The following DDX59 variants were observed in gnomAD, a reference collection of about 807,000 sequenced individuals.
The protein encoded by DDX59 is DEAD-box helicase 59, also known as probable ATP-dependent RNA helicase DDX59.
Under a neutral mutation model 51.9 loss-of-function variants are expected in DDX59, and 30 were observed. That is an observed-to-expected ratio of 0.58 (90% CI 0.43 to 0.78). The LOEUF is 0.78. DDX59 is among the 30% of genes least tolerant of loss of function. The pLI, the probability that DDX59 is intolerant of heterozygous loss-of-function variation, is 0.00. For synonymous variants in DDX59, 255 were observed against 253.3 expected (o/e 1.01, Z -0.06); for missense variants, 672 against 730.8 (o/e 0.92, Z 0.93).
Position 200,669,788 on chromosome 1 carries a change from TCCGCTC to T in DDX59, c.-39_-34del, listed in dbSNP as rs542558507. 15 of 152,712 alleles carry T rather than the reference TCCGCTC, an allele frequency of 9.8e-5. No homozygotes were observed. Among genetic ancestry groups the T allele is most frequent in the South Asian group, 2.1e-4 (1 of 4,836 alleles). The allele number at this position is 152,712 out of a possible 1,614,324, so 9.5% of individuals were successfully genotyped here. A position where few individuals can be genotyped will look rare whatever the true frequency, so the allele number is the denominator to read the frequency against. On this transcript the variant is annotated 5_prime_UTR_variant, in exon 1 of 8. Transcript: ENST00000331314. Reference sequence around the variant, plus strand: ...TCACCCGCGCAGGACTGAGGCCGCGTCCGCTCCCGCTCCCGCTCGGGCCGTCTCCCC... The same window carrying T: ...TCACCCGCGCAGGACTGAGGCCGCGTCCGCTCCCGCTCGGGCCGTCTCCCC...
rs978512853 is a variant in DDX59, at chr1:200,657,179, T to C, written c.1062+1848A>G. Among the ~76,000 whole-genome samples, 5 of 141,162 alleles carry C rather than the reference T, an allele frequency of 3.5e-5. No homozygotes were observed. In the Admixed American group the frequency reaches 3.8e-4, roughly 11 times the overall value. The allele number at this position is 141,162 out of a possible 152,430, so 92.6% of individuals were successfully genotyped here. ...GCACAAAAATCACTTTGAGCCCAGATGGTAGAGGTGGCAGTGAGCCAAGAT... is the reference window on the plus strand; with the variant it reads ...GCACAAAAATCACTTTGAGCCCAGACGGTAGAGGTGGCAGTGAGCCAAGAT... On this transcript the variant is annotated intron_variant, in intron 4 of 7. Transcript: ENST00000331314.
At chr1:200,663,849 G>A (rs1011187640) in intron 3 of DDX59, 70 bp downstream of exon 3, 1 of 1,367,694 alleles carries the variant, frequency 7.3e-7, no homozygotes. Flanking sequence ...TTCTTCAAGG[G>A]GAAAAAAAAC....
rs149394055 is a variant in DDX59 at position 200,647,793 on chromosome 1, G to A, written c.1596+646C>T. Among the ~76,000 whole-genome samples, 1,153 of 151,286 alleles carry A rather than the reference G, an allele frequency of 7.6e-3. 67 individuals carry two copies. In the East Asian group the frequency reaches 0.14, roughly 19 times the overall value. ...TTGAGACCAGCCTAGCCAACATGGT[G>A]AAACCCCGTCTCTACTAAAAATACA... On this transcript the variant is annotated intron_variant, in intron 7 of 7. Coordinates refer to ENST00000331314, the MANE Select transcript of DDX59 (RefSeq NM_001031725.6).
chr1:200,646,431 C>T (rs1427023087), intron 7 of DDX59, among the ~76,000 whole-genome samples: 1 of 151,810 alleles, frequency 6.6e-6, no homozygotes, highest in African/African-American at 2.4e-5. Flanking sequence ...AAATAAAAAC[C>T]CAATTTAAAA....
rs371248020 is a variant in DDX59 at position 200,648,510 on chromosome 1, G to C, written c.1525C>G (p.Leu509Val). Reference protein sequence around the residue: ...VVSTGVLGRGLDLISVRLVVN... With the variant: ...VVSTGVLGRGVDLISVRLVVN... ...ACCAGCCTGACACTGATCAAGTCTA[G>C]GCCTCGTCCCAAGACTCCTGTGCTC... The change falls in exon 7 of 8, where the codon CTA (leucine) becomes GTA (valine). Residue 509 changes from leucine to valine, a missense_variant. Leu to Val is a conservative substitution (Grantham distance 32, BLOSUM62 1). Coordinates refer to ENST00000331314, the MANE Select transcript of DDX59 (RefSeq NM_001031725.6). The C allele has an allele frequency of 1.2e-6, 2 of 1,613,978 alleles. No individual in the cohort carries two copies. Among genetic ancestry groups the C allele is most frequent in the African/African-American group, 1.3e-5 (1 of 74,904 alleles).
rs577173099 is a variant in DDX59 at position 200,649,634 on chromosome 1, A to AC, written c.1315-409_1315-408insG. 1.9e-3 allele frequency among the ~76,000 whole-genome samples: 285 copies of AC among 151,098 alleles called. 1 individual carries two copies. The highest frequency in any genetic ancestry group is 3.4e-3 in the Middle Eastern group (1 of 292). ...ACAGAGTGAGATTCCGTCACAAAAA[A>AC]AAAAAAAAACACAAAACACAAAATG... On this transcript the variant is annotated intron_variant, in intron 5 of 7. Transcript: ENST00000331314.
intron 3 of DDX59, among the ~76,000 whole-genome samples, chr1:200,663,316 C>T (rs1662496400): frequency 6.6e-6 from 1 of 152,214 alleles, no homozygotes; most frequent in Admixed American, 6.5e-5. Context: ...CCAAACCTTC[C>T]ATTAAACATT....
At chr1:200,661,613 A>G (rs2102907009) in intron 3 of DDX59, among the ~76,000 whole-genome samples, 1 of 152,364 alleles carries the variant, frequency 6.6e-6, no homozygotes, top group South Asian at 2.1e-4. Context: ...TGAGGAAAAA[A>G]GGAAAGATGG....
rs1450137464 is a variant in DDX59 at position 200,666,277 on chromosome 1, T to G, written c.464A>C (p.Asp155Ala). Residue 155 changes from aspartate to alanine, a missense_variant, in exon 2 of 8, where the codon GAT becomes GCT. Physicochemically the swap from Asp to Ala is moderately radical, Grantham distance 126 (BLOSUM62 -2). Transcript: ENST00000331314. ...KSKLSNPQKADSEPESPLNAS... is the reference protein window; with the variant it reads ...KSKLSNPQKAASEPESPLNAS... ...ATTCAGTGGAGACTCTGGCTCAGAA[T>G]CAGCCTTCTGTGGATTGCTGAGTTT... The G allele has an allele frequency of 1.2e-6, 2 of 1,614,124 alleles. No homozygotes were observed. The highest frequency in any genetic ancestry group is 1.7e-6 in the Non-Finnish European group (2 of 1,180,046).
chr1:200,665,088 G>C (rs539884183), intron 2 of DDX59, among the ~76,000 whole-genome samples: 21 of 152,160 alleles, frequency 1.4e-4, no homozygotes, highest in Non-Finnish European at 2.6e-4. Flanking sequence ...TTGTGAAAGT[G>C]CTCTACACAC....
intron 5 of DDX59, 132 bp downstream of exon 5, chr1:200,650,293 G>T (rs1661573683): frequency 1.1e-6 from 1 of 940,014 alleles, no homozygotes; most frequent in Non-Finnish European, 1.5e-6. Flanking sequence ...GAATTCTAGG[G>T]TAGGTAAAGC....
intron 5 of DDX59, 131 bp from the exon 6 acceptor site, chr1:200,649,357 G>A (rs905039291): frequency 1.6e-5 from 14 of 884,094 alleles, no homozygotes; most frequent in Admixed American, 3.4e-5. Flanking sequence ...GGCTGGGCGC[G>A]GTGGCTCACA....
At chr1:200,651,256 A>G (rs1457202911) in intron 4 of DDX59, among the ~76,000 whole-genome samples, 1 of 152,156 alleles carries the variant, frequency 6.6e-6, no homozygotes, top group African/African-American at 2.4e-5. Flanking sequence ...ATTATTTTAA[A>G]TAAAAGTTAA....
In DDX59 at chr1:200,666,269, G is replaced by C; in HGVS notation, c.472C>G (p.Pro158Ala). 6.2e-7 allele frequency: 1 copy of C among 1,614,198 alleles called. No homozygotes were observed. The highest frequency in any genetic ancestry group is 8.5e-7 in the Non-Finnish European group (1 of 1,180,042). Residue 158 changes from proline to alanine, a missense_variant, in exon 2 of 8, where the codon CCA becomes GCA. By Grantham distance (27) the Pro-to-Ala change is conservative. Transcript: ENST00000331314. ...TAGGAAGCATTCAGTGGAGACTCTGGCTCAGAATCAGCCTTCTGTGGATTG... is the reference window on the plus strand; with the variant it reads ...TAGGAAGCATTCAGTGGAGACTCTGCCTCAGAATCAGCCTTCTGTGGATTG... Reference protein sequence around the residue: ...LSNPQKADSEPESPLNASYVY... With the variant: ...LSNPQKADSEAESPLNASYVY...
rs779675975 is a variant in DDX59, at chr1:200,648,424, T to TA, written c.1596+14dup. 8.1e-6 allele frequency: 13 copies of TA among 1,612,556 alleles called. No individual in the cohort carries two copies. The South Asian group carries it at 1.4e-4, about 18-fold the overall frequency. ...ACTCGTGAACAAAATAGTGGTAACA[T>TA]ATAAAGCTCCTTACCTGATGGACAT... On this transcript the variant is annotated intron_variant, in intron 7 of 7. Transcript: ENST00000331314.
chr1:200,658,947 A>G, intron 4 of DDX59, 80 bp downstream of exon 4: 2 of 1,211,486 alleles, frequency 1.7e-6, no homozygotes, highest in Non-Finnish European at 2.4e-6. Flanking sequence ...AAGGTACTGA[A>G]CATACAATGA....
chr1:200,648,674 C>T (rs1661455331), intron 6 of DDX59, 107 bp from the exon 7 acceptor site: 1 of 1,329,050 alleles, frequency 7.5e-7, no homozygotes, highest in African/African-American at 1.5e-5. Flanking sequence ...ATTTTTATTG[C>T]AATATTTTTT....
intron 2 of DDX59, among the ~76,000 whole-genome samples, chr1:200,665,493 AAAAG>A (rs1156396269): frequency 6.6e-6 from 1 of 151,838 alleles, no homozygotes. Flanking sequence ...CAAAAAAAGA[AAAAG>A]AAAAAGAAAA....
Position 200,659,047 on chromosome 1 carries a change from T to C in DDX59, c.1042A>G (p.Lys348Glu). 1 of 1,612,996 alleles carries C rather than the reference T, an allele frequency of 6.2e-7. No individual in the cohort carries two copies. The highest frequency in any genetic ancestry group is 2.2e-5 in the East Asian group (1 of 44,830). Reference protein sequence around the residue: ...KQSSVELCGVKIVVVDEADTM... With the variant: ...KQSSVELCGVEIVVVDEADTM... The stretch of plus-strand genomic sequence containing the variant: ...CTTACTTCATCTACTACCACAATCT[T>C]TACACCACAGAGTTCTACAGAGCTC... Residue 348 changes from lysine to glutamate, a missense_variant, in exon 4 of 8, where the codon AAG becomes GAG. Coordinates refer to ENST00000331314, the MANE Select transcript of DDX59 (RefSeq NM_001031725.6).
Sources: allele counts gnomAD v4.1 joint callset (sites outside exome capture counted in the v4.1 genomes callset), GRCh38; gene constraint gnomAD v4.1.1; transcripts MANE v1.5; gene names NCBI Gene and HGNC (gene_info 2026-07-23, HGNC 2026-07-21).